ANKRD36C: variants seen among roughly 807,000 people sequenced by gnomAD.
ANKRD36C encodes the protein ankyrin repeat domain 36C, also known as ankyrin repeat domain-containing protein 36C.
A neutral mutation model predicts 276.4 loss-of-function variants in ANKRD36C; 61 were observed. The ratio of observed to expected loss-of-function variants is 0.22; its 90% CI spans 0.18 to 0.27. The LOEUF (loss-of-function observed/expected upper bound fraction) is 0.27, where lower values mean the gene tolerates loss of function less well. Ranked by LOEUF, ANKRD36C falls within the 10% of genes least tolerant of loss-of-function variation. The pLI is 1.00. For synonymous variants in ANKRD36C, 483 were observed against 680.1 expected, an observed-to-expected ratio of 0.71 and a Z score of 4.51; for missense variants, 1,447 against 2,032.3, an observed-to-expected ratio of 0.71 and a Z score of 5.54.
In ANKRD36C at chr2:95,990,139, G is replaced by A. The variant is rs900411204; in HGVS notation, c.197+1373C>T. 6.8e-4 allele frequency among the ~76,000 whole-genome samples: 104 copies of A among 151,994 alleles called. 1 individual carries two copies. The highest frequency in any genetic ancestry group is 2.4e-3 in the African/African-American group (101 of 41,360). Reference sequence around the variant, plus strand: ...TAAGTAGGCATTTGTGGTTTTTTCTGTTATCTCTTATTTTGTGCATTTAAA... The same window carrying A: ...TAAGTAGGCATTTGTGGTTTTTTCTATTATCTCTTATTTTGTGCATTTAAA... On this transcript the variant is annotated intron_variant, in intron 1 of 66. Coordinates refer to ENST00000456556, the Ensembl canonical transcript of ANKRD36C.
chr2:95,925,204 C>A (rs559822299), intron 30 of ANKRD36C, 148 bp downstream of exon 30: 5 of 1,317,336 alleles, frequency 3.8e-6, no homozygotes, highest in East Asian at 5.1e-5. Context: ...AGCATCAGCA[C>A]CACCTGACAA....
At chr2:95,933,915 A>G (rs1677641847) in intron 24 of ANKRD36C, among the ~76,000 whole-genome samples, 1 of 152,312 alleles carries the variant, frequency 6.6e-6, no homozygotes, top group South Asian at 2.1e-4. Flanking sequence ...CAAATTTATG[A>G]GAAAAGAACA....
At chr2:95,849,211 C>A (rs1675235339), downstream of ANKRD36C, among the ~76,000 whole-genome samples, 4 of 152,188 alleles carry the variant, frequency 2.6e-5, no homozygotes, top group South Asian at 8.3e-4. Flanking sequence ...AGGCATGCAC[C>A]ACCACACCCA....
In ANKRD36C at chr2:95,903,118, A is replaced by C. The variant is rs887002204; in HGVS notation, c.2654-3782T>G. ...AAGGGATTCATAATCACTCATATGTAAAAATGACAAAATTATCCACATATT... is the reference window on the plus strand; with the variant it reads ...AAGGGATTCATAATCACTCATATGTCAAAATGACAAAATTATCCACATATT... On this transcript the variant is annotated intron_variant, in intron 42 of 66. Transcript: ENST00000456556. 2.6e-6 allele frequency: 4 copies of C among 1,547,822 alleles called. No homozygotes were observed. In the African/African-American group the frequency reaches 4.1e-5, roughly 16 times the overall value.
intron 60 of ANKRD36C, among the ~76,000 whole-genome samples, chr2:95,862,369 A>T (rs1323870521): frequency 6.6e-6 from 1 of 152,142 alleles, no homozygotes; most frequent in African/African-American, 2.4e-5. Flanking sequence ...AAGACCGATA[A>T]CAAAAATAAC....
chr2:95,875,961 A>C (rs1174334827), intron 59 of ANKRD36C: 2 of 443,546 alleles, frequency 4.5e-6, no homozygotes, highest in Non-Finnish European at 9.0e-6. Context: ...TCTCTCCCTG[A>C]ACATAGAAAC....
chr2:95,852,311 T>A, intron 64 of ANKRD36C, 115 bp from the exon 85 acceptor site: 1 of 830,638 alleles, frequency 1.2e-6, no homozygotes, highest in Non-Finnish European at 1.9e-6. Context: ...ATCTTTTTTA[T>A]TTATAAAAGG....
chr2:95,963,173 G>C (rs1471252960), intron 6 of ANKRD36C, among the ~76,000 whole-genome samples: 1 of 152,014 alleles, frequency 6.6e-6, no homozygotes, highest in Non-Finnish European at 1.5e-5. Context: ...GTGTTCTCTA[G>C]TTCAGCCTTC....
At chr2:95,964,371 A>G (rs1183598544) in intron 6 of ANKRD36C, among the ~76,000 whole-genome samples, 1 of 151,632 alleles carries the variant, frequency 6.6e-6, no homozygotes, top group Non-Finnish European at 1.5e-5. Context: ...AAACCTCCAA[A>G]TTACCTAGCT....
intron 32 of ANKRD36C, among the ~76,000 whole-genome samples, chr2:95,923,165 CT>C (rs1474848823): frequency 6.6e-6 from 1 of 151,574 alleles, no homozygotes; most frequent in Non-Finnish European, 1.5e-5. Flanking sequence ...AAAATCTATA[CT>C]TCAACTCATT....
At chr2:95,934,299 C>T (rs971895789) in intron 24 of ANKRD36C, among the ~76,000 whole-genome samples, 1 of 152,000 alleles carries the variant, frequency 6.6e-6, no homozygotes, top group African/African-American at 2.4e-5. Context: ...AAGACACATG[C>T]ACATCTATGT....
At chr2:95,927,138 G>C in intron 28 of ANKRD36C, 76 bp downstream of exon 28, 1 of 1,575,210 alleles carries the variant, frequency 6.3e-7, no homozygotes, top group Non-Finnish European at 8.7e-7. Flanking sequence ...TGAATCCCCC[G>C]CTGATTTATT....
chr2:95,903,577 A>G (rs1221446524), intron 42 of ANKRD36C, among the ~76,000 whole-genome samples: 1 of 151,456 alleles, frequency 6.6e-6, no homozygotes, highest in Non-Finnish European at 1.5e-5. Flanking sequence ...TACACTTCAC[A>G]TCACTTCAGT....
chr2:95,852,156 C>T (rs1343434718), exon 65 of ANKRD36C: 1 of 1,608,802 alleles, frequency 6.2e-7, no homozygotes. Flanking sequence ...CTCCTTAGTA[C>T]ATCTTATAGT....
intron 38 of ANKRD36C, among the ~76,000 whole-genome samples, chr2:95,914,529 G>T (rs1459239721): frequency 1.3e-5 from 2 of 151,380 alleles, no homozygotes; most frequent in Admixed American, 6.6e-5. Context: ...GGTATGATTT[G>T]TCATATGTCG....
chr2:95,891,135 C>T (rs1460647856), intron 46 of ANKRD36C, among the ~76,000 whole-genome samples: 1 of 151,382 alleles, frequency 6.6e-6, no homozygotes, highest in African/African-American at 2.4e-5. Flanking sequence ...AGTGAGTTCA[C>T]TCAGGTTTCC....
At chr2:95,944,465 A>C (rs534696384) in intron 19 of ANKRD36C, among the ~76,000 whole-genome samples, 162 bp downstream of exon 19, 36 of 152,340 alleles carry the variant, frequency 2.4e-4, no homozygotes, top group African/African-American at 8.2e-4. Context: ...CATCGTTATA[A>C]AGACAGGGAG....
chr2:95,918,132 C>T (rs1238419815), intron 34 of ANKRD36C, 90 bp from the exon 37 acceptor site: 3 of 1,532,052 alleles, frequency 2.0e-6, no homozygotes, highest in African/African-American at 1.4e-5. Flanking sequence ...AAGCTGTATC[C>T]TTCTGCCTGT....
At chr2:95,895,876 G>A (rs1406615109) in intron 44 of ANKRD36C, among the ~76,000 whole-genome samples, 1 of 151,048 alleles carries the variant, frequency 6.6e-6, no homozygotes, top group East Asian at 2.0e-4. Flanking sequence ...GATGAGCGAT[G>A]AGGACAAATG....
Sources: gnomAD v4.1 joint callset for allele counts (sites outside exome capture counted in the v4.1 genomes callset) on GRCh38, gnomAD v4.1.1 for gene constraint, MANE v1.5 for transcripts, NCBI Gene and HGNC (gene_info 2026-07-23, HGNC 2026-07-21) for gene names.